DRAM1: variants seen among roughly 807,000 people sequenced by gnomAD.
The protein encoded by DRAM1 is DNA damage-regulated autophagy modulator protein 1.
Under a neutral mutation model 28.5 loss-of-function variants are expected in DRAM1, and 25 were observed. The ratio of observed to expected loss-of-function variants is 0.88; its 90% CI spans 0.64 to 1.23. The LOEUF (loss-of-function observed/expected upper bound fraction) is 1.23. Ranked by LOEUF, DRAM1 falls within the 50% of genes most tolerant of loss-of-function variation. DRAM1 has a pLI of 0.00. For synonymous variants in DRAM1, 113 were observed against 114.2 expected (o/e 0.99, Z 0.07); for missense variants, 249 against 299.2 (o/e 0.83, Z 1.24).
intron 5 of DRAM1, among the ~76,000 whole-genome samples, chr12:101,916,493 T>C (rs1874248168): frequency 6.6e-6 from 1 of 152,166 alleles, no homozygotes; most frequent in African/African-American, 2.4e-5. Context: ...TGTTAGAGTA[T>C]GGGGTAGACC....
At chr12:101,907,230 A>G (rs928629759) in intron 3 of DRAM1, among the ~76,000 whole-genome samples, 1 of 150,630 alleles carries the variant, frequency 6.6e-6, no homozygotes, top group Non-Finnish European at 1.5e-5. Flanking sequence ...AAGAAAAAAG[A>G]AGCTGCATTT....
Position 101,877,679 on chromosome 12 carries a change from C to A in DRAM1, c.-111C>A. The A allele has an allele frequency of 2.5e-6, 2 of 811,878 alleles. No individual in the cohort carries two copies. Among genetic ancestry groups the A allele is most frequent in the Non-Finnish European group, 3.3e-6 (2 of 613,418 alleles). 50.3% of individuals were successfully genotyped at this position (811,878 alleles called of 1,614,324 possible). A position where few individuals can be genotyped will look rare whatever the true frequency, so the allele number is the denominator to read the frequency against. ...TGCCCCGGCCGTCGCGGAGCCTCCC[C>A]TCCCACCGTCCGTGAGTGTACGCGC... is the stretch of plus-strand genomic sequence containing the variant. On this transcript the variant is annotated 5_prime_UTR_variant, in exon 1 of 7. Transcript: ENST00000258534. This position sits in a 1 kb window ranked among gnomAD's most constrained non-coding sequence, Gnocchi z 4.1.
At chr12:101,889,940 CAA>C (rs778793274) in intron 1 of DRAM1, 18,554 of 231,374 alleles carry the variant, frequency 0.08, no homozygotes, top group South Asian at 0.093. Context: ...GACTCTGTCT[CAA>C]AAAAAAAAAA....
chr12:101,878,242 T>C (rs1872565890), intron 1 of DRAM1, among the ~76,000 whole-genome samples: 1 of 152,102 alleles, frequency 6.6e-6, no homozygotes, highest in South Asian at 2.1e-4. Context: ...ACAAGATGGG[T>C]TCTGATAGAT....
At chr12:101,897,809 G>C in intron 1 of DRAM1, 54 bp from the exon 2 acceptor site, 1 of 1,305,460 alleles carries the variant, frequency 7.7e-7, no homozygotes, top group South Asian at 1.2e-5. Flanking sequence ...TGTCTTCCCA[G>C]AGGTCTGGAC....
chr12:101,908,477 G>A, intron 4 of DRAM1, 114 bp downstream of exon 4: 5 of 1,114,766 alleles, frequency 4.5e-6, no homozygotes, highest in Non-Finnish European at 6.4e-6. Flanking sequence ...TGACAGCAGG[G>A]CGGAGAGATT....
intron 5 of DRAM1, among the ~76,000 whole-genome samples, 160 bp downstream of exon 5, chr12:101,914,392 A>T (rs987115470): frequency 6.6e-6 from 1 of 152,182 alleles, no homozygotes; most frequent in Non-Finnish European, 1.5e-5. Flanking sequence ...ATTTGGCAGT[A>T]TGTAGTAATT....
intron 1 of DRAM1, chr12:101,890,338 C>G (rs1361625732): frequency 1.2e-5 from 3 of 249,530 alleles, no homozygotes; most frequent in Non-Finnish European, 2.4e-5. Flanking sequence ...CCTTGGCCTC[C>G]CAAAGTGCTG....
chr12:101,892,380 C>T (rs977342944), intron 1 of DRAM1, among the ~76,000 whole-genome samples: 1 of 150,396 alleles, frequency 6.6e-6, no homozygotes, highest in Non-Finnish European at 1.5e-5. Context: ...GGATTACAGG[C>T]ACCCACCACC....
intron 3 of DRAM1, among the ~76,000 whole-genome samples, chr12:101,907,893 C>T (rs1013337752): frequency 6.6e-6 from 1 of 152,142 alleles, no homozygotes; most frequent in Non-Finnish European, 1.5e-5. Context: ...GGAGTCAGGA[C>T]TTTTAATCCA....
At chr12:101,895,186 G>GTTTGTTTTTTTTTTTTTTTTT (rs1372490429) in intron 1 of DRAM1, among the ~76,000 whole-genome samples, 3 of 75,720 alleles carry the variant, frequency 4.0e-5, no homozygotes, top group African/African-American at 1.7e-4. Context: ...AACCCTTCAG[G>GTTTGTTTTTTTTTTTTTTTTT]TTTTTTTTTT....
chr12:101,886,696 C>A (rs1357445882), intron 1 of DRAM1, among the ~76,000 whole-genome samples: 1 of 152,178 alleles, frequency 6.6e-6, no homozygotes, highest in Non-Finnish European at 1.5e-5. Context: ...CTTCTCTTAC[C>A]CATGTCTTTG....
intron 1 of DRAM1, among the ~76,000 whole-genome samples, chr12:101,896,581 T>C (rs1266840274): frequency 6.6e-6 from 1 of 151,954 alleles, no homozygotes; most frequent in Non-Finnish European, 1.5e-5. Flanking sequence ...CTGGGTAACA[T>C]AGCAAAACCC....
intron 6 of DRAM1, among the ~76,000 whole-genome samples, chr12:101,920,466 C>G (rs1477309617): frequency 6.6e-6 from 1 of 151,964 alleles, no homozygotes; most frequent in African/African-American, 2.4e-5. Context: ...TAGCTTATTC[C>G]CAATGGGAGG....
At chr12:101,884,433 G>T (rs891415295) in intron 1 of DRAM1, among the ~76,000 whole-genome samples, 1 of 149,692 alleles carries the variant, frequency 6.7e-6, no homozygotes, top group Non-Finnish European at 1.5e-5. Flanking sequence ...GCCAAATCAT[G>T]CTTAACTTGT....
rs1003555283 is a variant in DRAM1 at position 101,877,867 on chromosome 12, C to T, written c.78C>T (p.Ser26=). 3.2e-6 allele frequency: 5 copies of T among 1,545,860 alleles called. No homozygotes were observed. The African/African-American group carries it at 5.5e-5, about 17-fold the overall frequency. ...VTWSSAAFII[S]YVVAVLSGHV... The stretch of plus-strand genomic sequence containing the variant: ...GGTCGTCAGCCGCCTTCATTATCTC[C>T]TACGTGGTCGCCGTGCTCTCCGGGC... Residue 26 remains serine (S), a synonymous_variant, in exon 1 of 7, where the codon TCC becomes TCT. Transcript: ENST00000258534. This position sits in a 1 kb window ranked among gnomAD's most constrained non-coding sequence, Gnocchi z 4.1.
intron 1 of DRAM1, among the ~76,000 whole-genome samples, chr12:101,887,112 T>C (rs1594292295): frequency 7.3e-6 from 1 of 137,242 alleles, no homozygotes; most frequent in Non-Finnish European, 1.5e-5. Context: ...GCCATTGCAC[T>C]CCAGCCTGGG....
At chr12:101,897,684 T>A (rs756667347) in intron 1 of DRAM1, among the ~76,000 whole-genome samples, 179 bp from the exon 2 acceptor site, 2 of 152,146 alleles carry the variant, frequency 1.3e-5, no homozygotes, top group Non-Finnish European at 2.9e-5. Flanking sequence ...AAAAATAAAT[T>A]TTAGATTTTT....
chr12:101,916,602 C>T (rs563070286), intron 5 of DRAM1, among the ~76,000 whole-genome samples: 10 of 152,258 alleles, frequency 6.6e-5, no homozygotes, highest in African/African-American at 1.7e-4. Flanking sequence ...TTCATCTAGA[C>T]GCCTTATAGG....
Sources: gnomAD v4.1 joint callset for allele counts (sites outside exome capture counted in the v4.1 genomes callset) on GRCh38, gnomAD v4.1.1 for gene constraint, Gnocchi (gnomAD v3.1) non-coding constraint, MANE v1.5 for transcripts, NCBI Gene and HGNC (gene_info 2026-07-23, HGNC 2026-07-21) for gene names.